Variants in ROBO2 observed in about 807,000 individuals in gnomAD.
ROBO2 encodes the protein roundabout homolog 2.
A neutral mutation model predicts 160.8 loss-of-function variants in ROBO2; 53 were observed. The observed-to-expected ratio is 0.33, with a 90% confidence interval of 0.26 to 0.41. ROBO2 has a LOEUF of 0.41. ROBO2 is among the 10% of genes least tolerant of loss of function. The pLI, the probability that ROBO2 is intolerant of heterozygous loss-of-function variation, is 1.00. For synonymous variants in ROBO2, 664 were observed against 611.7 expected (o/e 1.09, Z -1.26); for missense variants, 1,577 against 1,722.4 (o/e 0.92, Z 1.49).
chr3:76,836,523 A>G (rs2067707009), intron 2 of ROBO2, among the ~76,000 whole-genome samples: 1 of 150,868 alleles, frequency 6.6e-6, no homozygotes, highest in African/African-American at 2.4e-5. Context: ...TTCATTTTTT[A>G]AAACTCTTTG....
chr3:75,977,163 C>T (rs1559798832), intron 2 of ROBO2, among the ~76,000 whole-genome samples: 1 of 151,520 alleles, frequency 6.6e-6, no homozygotes, highest in Non-Finnish European at 1.5e-5. Flanking sequence ...AGATCAAACA[C>T]TTAACGAAGG....
intron 2 of ROBO2, among the ~76,000 whole-genome samples, chr3:76,373,286 G>A (rs1364328312): frequency 6.6e-6 from 1 of 152,004 alleles, no homozygotes; most frequent in African/African-American, 2.4e-5. Context: ...TAACCAGGAA[G>A]AGTAGAATGT....
chr3:77,585,087 T>C (rs2094011777), intron 16 of ROBO2, among the ~76,000 whole-genome samples: 1 of 151,252 alleles, frequency 6.6e-6, no homozygotes, highest in African/African-American at 2.4e-5. Flanking sequence ...AAGTGAAGGA[T>C]AACTAAGATT....
chr3:76,483,380 T>C (rs1321991418), intron 2 of ROBO2, among the ~76,000 whole-genome samples: 8 of 152,030 alleles, frequency 5.3e-5, no homozygotes, highest in Non-Finnish European at 1.2e-4. Flanking sequence ...CCTTGGTATA[T>C]TGTGTGATGC....
At chr3:76,146,889 AAC>A (rs373864019) in intron 2 of ROBO2, among the ~76,000 whole-genome samples, 2 of 148,324 alleles carry the variant, frequency 1.3e-5, no homozygotes, top group Non-Finnish European at 1.5e-5. Context: ...CACACACACA[AAC>A]ACACACACAC....
In ROBO2 at chr3:77,602,478, C is replaced by A. The variant is rs1255385020; in HGVS notation, c.3123C>A (p.Asn1041Lys). The change falls in exon 20 of 26, where the codon AAC becomes AAA. Residue 1041 changes from asparagine (N) to lysine (K), a missense_variant. Physicochemically the swap from Asn to Lys is moderately conservative, Grantham distance 94. Around this residue, in one of 2 missense-constraint regions of ROBO2, gnomAD observed 637 missense variants for 586.9 expected, o/e 1.09. Transcript: ENST00000461745. ...TTGGTTATTCTCTACCTGATCAGAA[C>A]AAAGGTAACAATGGTGAGTCAGGTT... is the stretch of plus-strand genomic sequence containing the variant. The A allele has an allele frequency of 2.5e-6, 4 of 1,613,976 alleles. No individual in the cohort carries two copies. In the Admixed American group the frequency reaches 5.0e-5, roughly 20 times the overall value.
chr3:76,440,938 A>G (rs528705549), intron 2 of ROBO2, among the ~76,000 whole-genome samples: 1 of 152,234 alleles, frequency 6.6e-6, no homozygotes, highest in Non-Finnish European at 1.5e-5. Flanking sequence ...CTATTATCCC[A>G]TCTCTAGCCT....
At chr3:77,280,206 T>C (rs556423054) in intron 2 of ROBO2, among the ~76,000 whole-genome samples, 4 of 152,140 alleles carry the variant, frequency 2.6e-5, no homozygotes, top group Admixed American at 6.6e-5. Context: ...CGCTAACCCA[T>C]CTAAATGTTT....
At chr3:77,099,075 T>TC (rs2150083004) in intron 2 of ROBO2, among the ~76,000 whole-genome samples, 1 of 126,936 alleles carries the variant, frequency 7.9e-6, no homozygotes, top group African/African-American at 3.3e-5. Flanking sequence ...TTCTTTCTTT[T>TC]TTTTTTTTTT....
intron 2 of ROBO2, among the ~76,000 whole-genome samples, chr3:76,766,216 A>G (rs574015831): frequency 1.3e-5 from 2 of 151,702 alleles, no homozygotes; most frequent in African/African-American, 4.8e-5. Context: ...CCTCCAACCT[A>G]AAAATTTGCG....
At chr3:77,057,029 A>AC (rs770908296) in intron 1 of ROBO2, among the ~76,000 whole-genome samples, 27 of 152,198 alleles carry the variant, frequency 1.8e-4, no homozygotes, top group Non-Finnish European at 2.5e-4. Context: ...TTATTGCGGC[A>AC]TTATTCACAA....
At chr3:76,671,697 T>A (rs993734421) in intron 2 of ROBO2, among the ~76,000 whole-genome samples, 1 of 152,082 alleles carries the variant, frequency 6.6e-6, no homozygotes, top group South Asian at 2.1e-4. Flanking sequence ...TATATAAATA[T>A]TTCATTTAGA....
At chr3:77,580,232 C>A in intron 16 of ROBO2, 114 bp downstream of exon 17, 1 of 974,682 alleles carries the variant, frequency 1.0e-6, no homozygotes, top group Non-Finnish European at 1.6e-6. Context: ...ATAGGGTACA[C>A]ATATCATATT....
chr3:76,261,638 TATAA>T (rs1237203913), intron 2 of ROBO2, among the ~76,000 whole-genome samples: 14 of 152,106 alleles, frequency 9.2e-5, no homozygotes, highest in Admixed American at 7.2e-4. Flanking sequence ...CATAAAAGAA[TATAA>T]ATAAGTCTAA....
chr3:76,366,433 C>T (rs2075816136), intron 2 of ROBO2, among the ~76,000 whole-genome samples: 1 of 151,974 alleles, frequency 6.6e-6, no homozygotes, highest in Admixed American at 6.6e-5. Context: ...AGGCATTTAA[C>T]AAGTATCTGT....
intron 2 of ROBO2, among the ~76,000 whole-genome samples, chr3:76,984,228 C>T (rs1234620797): frequency 6.6e-6 from 1 of 152,138 alleles, no homozygotes; most frequent in Non-Finnish European, 1.5e-5. Context: ...ACCATATCAG[C>T]TGGGATTCAC....
intron 17 of ROBO2, among the ~76,000 whole-genome samples, chr3:77,594,698 T>G (rs1011183445): frequency 6.6e-6 from 1 of 152,326 alleles, no homozygotes; most frequent in East Asian, 1.9e-4. Context: ...TCTTGTTTCA[T>G]TAGAACGACG....
chr3:77,200,555 C>T (rs774790370), intron 2 of ROBO2, among the ~76,000 whole-genome samples: 4 of 151,806 alleles, frequency 2.6e-5, no homozygotes, highest in Non-Finnish European at 4.4e-5. Flanking sequence ...CTGAGGGTCC[C>T]ATGAACAGTT....
At chr3:76,935,354 A>T (rs1017210285) in intron 2 of ROBO2, among the ~76,000 whole-genome samples, 3 of 152,188 alleles carry the variant, frequency 2.0e-5, no homozygotes, top group Non-Finnish European at 2.9e-5. Flanking sequence ...TAAGATTACG[A>T]TGATACAATA....
Sources: gnomAD v4.1 joint callset for allele counts (sites outside exome capture counted in the v4.1 genomes callset) on GRCh38, gnomAD v4.1.1 for gene constraint, gnomAD v4.1.1 regional missense constraint, MANE v1.5 for transcripts, NCBI Gene and HGNC (gene_info 2026-07-23, HGNC 2026-07-21) for gene names.